The following CLASP2 variants were observed in gnomAD, a reference collection of about 807,000 sequenced individuals.
CLASP2 encodes the protein CLIP-associating protein 2.
CLASP2 carries 47 observed loss-of-function variants against 194.4 expected under a neutral mutation model. The observed-to-expected ratio is 0.24, with a 90% CI of 0.19 to 0.31. The LOEUF (loss-of-function observed/expected upper bound fraction) is 0.31. CLASP2 is among the 10% of genes least tolerant of loss of function. The probability of loss-of-function intolerance (pLI) is 1.00; values close to 1 mark genes in which losing one functional copy is unlikely to be tolerated. For synonymous variants in CLASP2, 619 were observed against 633.5 expected (o/e 0.98, Z 0.34); for missense variants, 1,445 against 1,823.6 (o/e 0.79, Z 3.78).
intron 6 of CLASP2, among the ~76,000 whole-genome samples, chr3:33,671,885 G>A (rs1378427283): frequency 6.6e-6 from 1 of 152,206 alleles, no homozygotes; most frequent in African/African-American, 2.4e-5. Flanking sequence ...CAGCGAGGCT[G>A]GGAGAGGGGT....
intron 7 of CLASP2, 31 bp downstream of exon 7, chr3:33,663,414 T>G: frequency 1.3e-6 from 2 of 1,579,412 alleles, no homozygotes; most frequent in Non-Finnish European, 8.7e-7. Context: ...TAAATAGTCT[T>G]AGAAATGTTT....
chr3:33,611,388 G>A (rs2075151057), intron 13 of CLASP2, among the ~76,000 whole-genome samples: 1 of 152,038 alleles, frequency 6.6e-6, no homozygotes, highest in Non-Finnish European at 1.5e-5. Context: ...GTTTACTACT[G>A]TATGCAAAAT....
At chr3:33,689,683 C>A (rs1020036072) in intron 3 of CLASP2, 146 bp downstream of exon 3, 7 of 504,446 alleles carry the variant, frequency 1.4e-5, no homozygotes, top group Non-Finnish European at 2.4e-5. Context: ...GAAAGTCAAA[C>A]ATTGACACTG....
At chr3:33,566,859 A>G (rs1437783749) in intron 26 of CLASP2, 125 bp from the exon 27 acceptor site, 3 of 332,706 alleles carry the variant, frequency 9.0e-6, no homozygotes, top group Non-Finnish European at 1.8e-5. Flanking sequence ...AGAAAATAAT[A>G]GTGACAAATG....
At position 33,602,945 on chromosome 3, in the gene CLASP2, C is replaced by A. The variant is rs752021436; in HGVS notation, c.1924+7G>T. On this transcript the variant is annotated splice_region_variant and intron_variant, in intron 18 of 38. Coordinates refer to ENST00000682230, the MANE Select transcript of CLASP2 (RefSeq NM_001365631.1). ...ATGGTACAATTTTCCATAATCAGTT[C>A]TCTTACCTAGTGACGCATAGGAACC... The A allele has an allele frequency of 7.7e-5, 124 of 1,606,434 alleles. No individual in the cohort carries two copies. Among genetic ancestry groups the A allele is most frequent in the Non-Finnish European group, 7.2e-5 (85 of 1,176,126 alleles).
intron 31 of CLASP2, 73 bp downstream of exon 31, chr3:33,544,625 G>A (rs528506002): frequency 3.1e-5 from 43 of 1,368,068 alleles, no homozygotes; most frequent in Admixed American, 9.1e-5. Context: ...AGTTTACTTC[G>A]TATAAAAGAA....
intron 12 of CLASP2, among the ~76,000 whole-genome samples, chr3:33,617,201 A>G (rs979858457): frequency 8.5e-5 from 13 of 152,098 alleles, no homozygotes; most frequent in Non-Finnish European, 1.6e-4. Context: ...GTGAAAAAGA[A>G]CACTTCCTGG....
chr3:33,529,958 C>A (rs1406738451), intron 34 of CLASP2, among the ~76,000 whole-genome samples: 1 of 117,306 alleles, frequency 8.5e-6, no homozygotes, highest in Non-Finnish European at 1.6e-5. Context: ...GCAGTCCGGG[C>A]TGGGCGACAG....
chr3:33,571,559 C>T (rs141238083), intron 25 of CLASP2, among the ~76,000 whole-genome samples: 2,910 of 151,034 alleles, frequency 0.019, 54 homozygotes, highest in African/African-American at 0.045. Context: ...TGCTTGAACC[C>T]GGGGGGCAGA....
chr3:33,604,205 G>C lies in CLASP2; in HGVS notation c.1699C>G (p.Pro567Ala). ...GCTGTAGACCATTTGGAAGAAAAAG[G>C]GCGACTGCAAAGTATAAAAAATGCT... ...SSSSQESLNR[P>A]FSSKWSTANP... Residue 567 changes from proline to alanine, a missense_variant, in exon 17 of 39, where the codon CCT (proline) becomes GCT (alanine). By Grantham distance (27) the Pro-to-Ala change is conservative. Transcript: ENST00000682230. 2 of 1,557,164 alleles carry C rather than the reference G, an allele frequency of 1.3e-6. No homozygotes were observed. Among genetic ancestry groups the C allele is most frequent in the South Asian group, 2.4e-5 (2 of 84,226 alleles).
chr3:33,538,372 A>C (rs2057764416), intron 33 of CLASP2, among the ~76,000 whole-genome samples: 1 of 152,248 alleles, frequency 6.6e-6, no homozygotes, highest in Non-Finnish European at 1.5e-5. Context: ...TGGACCACAC[A>C]ATCTAAAATA....
At chr3:33,578,047 T>A (rs1056629656) in intron 23 of CLASP2, among the ~76,000 whole-genome samples, 15 of 152,222 alleles carry the variant, frequency 9.9e-5, no homozygotes, top group Non-Finnish European at 2.1e-4. Context: ...AGAGAGAGAT[T>A]AATTAATTTG....
chr3:33,673,901 A>C (rs2154339463), intron 6 of CLASP2, among the ~76,000 whole-genome samples: 1 of 152,302 alleles, frequency 6.6e-6, no homozygotes, highest in East Asian at 1.9e-4. Flanking sequence ...AACTATCCTA[A>C]ATATATATGC....
rs2092154558 is a variant in CLASP2 at position 33,698,771 on chromosome 3, A to G, written c.196-1838T>C. On this transcript the variant is annotated intron_variant, in intron 1 of 38. Transcript: ENST00000682230. The stretch of plus-strand genomic sequence containing the variant: ...GAAAAAAGGCATGTCATCTCCAGGC[A>G]TAAGTACTATTTAACTTGCTCTTAA... Among the ~76,000 whole-genome samples, 3 of 152,238 alleles carry G rather than the reference A, an allele frequency of 2.0e-5. No homozygotes were observed. In the South Asian group the frequency reaches 6.2e-4, roughly 31 times the overall value.
chr3:33,593,370 A>C (rs910128440), intron 20 of CLASP2, among the ~76,000 whole-genome samples: 1 of 152,242 alleles, frequency 6.6e-6, no homozygotes, highest in African/African-American at 2.4e-5. Context: ...ATTCAAAAAG[A>C]AGGGCTCAGA....
At chr3:33,645,149 A>G (rs2154310488) in intron 7 of CLASP2, 1 of 719,782 alleles carries the variant, frequency 1.4e-6, no homozygotes, top group Middle Eastern at 2.4e-4. Context: ...TCAAAACATA[A>G]AACATTTTAA....
At chr3:33,684,547 T>G (rs2090346179) in intron 5 of CLASP2, 91 bp from the exon 6 acceptor site, 1 of 769,342 alleles carries the variant, frequency 1.3e-6, no homozygotes, top group Non-Finnish European at 2.0e-6. Context: ...CAGACCAACT[T>G]GAAGCTCTAA....
Position 33,622,252 on chromosome 3 carries a change from G to A in CLASP2, c.1064C>T (p.Ala355Val), listed in dbSNP as rs769327926. Residue 355 changes from alanine (A) to valine (V), a missense_variant, in exon 11 of 39, where the codon GCT (alanine) becomes GTT (valine). This residue lies in a region of CLASP2 where 207 missense variants were observed against 331.4 expected (regional missense o/e 0.62). Transcript: ENST00000682230. ...ALKKIRSLLV[A>V]GAAQYDCFFQ... ...AAAGCAATCATACTGTGCAGCTCCA[G>A]CAACAAGCAGTGATCGAATTTTCTT... 2.0e-6 allele frequency: 3 copies of A among 1,513,944 alleles called. No individual in the cohort carries two copies. The highest frequency in any genetic ancestry group is 2.8e-5 in the South Asian group (2 of 72,674). The allele number at this position is 1,513,944 out of a possible 1,614,324, so 93.8% of individuals were successfully genotyped here.
At chr3:33,666,068 G>A (rs1358017664) in intron 6 of CLASP2, among the ~76,000 whole-genome samples, 1 of 152,132 alleles carries the variant, frequency 6.6e-6, no homozygotes, top group Non-Finnish European at 1.5e-5. Flanking sequence ...GGGTAAGGAG[G>A]ACAGAATTAG....
Sources: gnomAD v4.1 joint callset for allele counts (sites outside exome capture counted in the v4.1 genomes callset) on GRCh38, gnomAD v4.1.1 for gene constraint, gnomAD v4.1.1 regional missense constraint, MANE v1.5 for transcripts, NCBI Gene and HGNC (gene_info 2026-07-23, HGNC 2026-07-21) for gene names.